Variants in PCDH15 observed in about 807,000 individuals in gnomAD.
PCDH15 encodes protocadherin-15.
Under a neutral mutation model 178.5 loss-of-function variants are expected in PCDH15, and 129 were observed. That is an observed-to-expected ratio of 0.72 (90% CI 0.63 to 0.84). The LOEUF (loss-of-function observed/expected upper bound fraction) is 0.84, where lower values mean the gene tolerates loss of function less well. Ranked by LOEUF, PCDH15 falls within the 40% of genes least tolerant of loss-of-function variation. The pLI is 0.00. For missense variants in PCDH15, 2,230 were observed against 2,099.9 expected, an observed-to-expected ratio of 1.06 and a Z score of -1.21; for synonymous variants, 800 against 732.0, an observed-to-expected ratio of 1.09 and a Z score of -1.50.
chr10:54,052,595 A>C (rs548114573), intron 18 of PCDH15, among the ~76,000 whole-genome samples: 26 of 152,250 alleles, frequency 1.7e-4, no homozygotes, highest in African/African-American at 5.1e-4. Context: ...ACAGGCTATT[A>C]GGTGGAAGAA....
chr10:54,889,303 AG>A (rs1334036962), intron 3 of PCDH15, among the ~76,000 whole-genome samples: 1 of 151,750 alleles, frequency 6.6e-6, no homozygotes, highest in Non-Finnish European at 1.5e-5. Flanking sequence ...ATGGATTGTT[AG>A]GGGGACTGAA....
chr10:55,447,582 CA>C (rs1839345319), intron 2 of PCDH15, among the ~76,000 whole-genome samples: 3 of 151,810 alleles, frequency 2.0e-5, no homozygotes, highest in Admixed American at 1.3e-4. Context: ...ATCAGCAAAA[CA>C]AAATATAAAT....
At position 54,023,246 on chromosome 10, in the gene PCDH15, G is replaced by A. The variant is rs1397246215; in HGVS notation, c.2221-49C>T. 51 of 1,550,318 alleles carry A rather than the reference G, an allele frequency of 3.3e-5. 1 individual carries two copies. Among genetic ancestry groups the A allele is most frequent in the Middle Eastern group, 4.2e-4 (2 of 4,736 alleles). On this transcript the variant is annotated intron_variant, in intron 18 of 37. Coordinates refer to ENST00000644397, the MANE Select transcript of PCDH15 (RefSeq NM_001384140.1). Reference sequence around the variant, plus strand: ...AAAAAATTCACGTAAGTTTTGACGGGCTACTGTAAATGAAGGTAACAGTTA... The same window carrying A: ...AAAAAATTCACGTAAGTTTTGACGGACTACTGTAAATGAAGGTAACAGTTA...
chr10:54,242,471 C>T (rs1247223894), intron 8 of PCDH15, among the ~76,000 whole-genome samples: 1 of 151,790 alleles, frequency 6.6e-6, no homozygotes, highest in Non-Finnish European at 1.5e-5. Context: ...TAAATGCATA[C>T]ATGATGCCTA....
At chr10:54,304,211 TA>T (rs1417159916) in intron 8 of PCDH15, among the ~76,000 whole-genome samples, 1 of 152,116 alleles carries the variant, frequency 6.6e-6, no homozygotes, top group Non-Finnish European at 1.5e-5. Flanking sequence ...CCCGTTAAAT[TA>T]ACACTGGCAT....
intron 15 of PCDH15, among the ~76,000 whole-genome samples, chr10:54,120,550 T>C (rs11004084): frequency 0.029 from 4,449 of 152,034 alleles, 236 homozygotes; most frequent in African/African-American, 0.1. Flanking sequence ...TAATGATACA[T>C]GAAGTAAAGT....
intron 2 of PCDH15, among the ~76,000 whole-genome samples, chr10:55,520,897 CAT>C (rs1841160109): frequency 1.3e-5 from 2 of 151,734 alleles, no homozygotes; most frequent in African/African-American, 2.4e-5. Flanking sequence ...AGCTAATTAA[CAT>C]ATTATCACCT....
At chr10:54,689,166 ATAT>A (rs2095069456) in intron 1 of PCDH15, among the ~76,000 whole-genome samples, 1 of 152,038 alleles carries the variant, frequency 6.6e-6, no homozygotes, top group South Asian at 2.1e-4. Flanking sequence ...AAATTTTCTG[ATAT>A]TATTATTAAT....
intron 21 of PCDH15, among the ~76,000 whole-genome samples, chr10:53,993,444 C>T (rs2091652479): frequency 2.0e-5 from 3 of 152,088 alleles, no homozygotes; most frequent in African/African-American, 7.2e-5. Context: ...GGAAGAGAGA[C>T]TATTAAATAA....
chr10:55,162,224 G>A (rs1839085457), intron 2 of PCDH15, among the ~76,000 whole-genome samples: 1 of 152,116 alleles, frequency 6.6e-6, no homozygotes, highest in Non-Finnish European at 1.5e-5. Context: ...TCCCGTATTT[G>A]CTTATAGTTC....
intron 1 of PCDH15, among the ~76,000 whole-genome samples, chr10:55,177,508 G>C (rs1252324152): frequency 6.6e-6 from 1 of 152,156 alleles, no homozygotes; most frequent in African/African-American, 2.4e-5. Context: ...GTGGCTAAAG[G>C]ATGGCCGGCC....
In PCDH15 at chr10:55,528,706, T is replaced by C. The variant is rs373605093; in HGVS notation, c.-156+98919A>G. On this transcript the variant is annotated intron_variant, in intron 2 of 5. Transcript: ENST00000613346. ...AAGCATACGTGTGCATGTGTCTTTA[T>C]AGCAGCATGATTTATAATCCCTTGG... Among the ~76,000 whole-genome samples the C allele has an allele frequency of 1.1e-4, 17 of 152,274 alleles. No individual in the cohort carries two copies. The East Asian group carries it at 2.5e-3, about 23-fold the overall frequency.
Position 55,046,169 on chromosome 10 carries a change from G to A in PCDH15, c.-80+120407C>T, listed in dbSNP as rs188271016. Among the ~76,000 whole-genome samples, 23 of 152,032 alleles carry A rather than the reference G, an allele frequency of 1.5e-4. 1 individual carries two copies. The East Asian group carries it at 3.1e-3, about 20-fold the overall frequency. The stretch of plus-strand genomic sequence containing the variant: ...TTTTTACTGTGCTCAATTACAAATC[G>A]TCGTTTTCACTTCTGCCTTAAGAAG... On this transcript the variant is annotated intron_variant, in intron 2 of 5. Coordinates refer to the PCDH15 transcript ENST00000458638.
At chr10:53,874,616 T>C (rs2080095085) in intron 26 of PCDH15, among the ~76,000 whole-genome samples, 2 of 152,052 alleles carry the variant, frequency 1.3e-5, no homozygotes, top group African/African-American at 4.8e-5. Flanking sequence ...AGCAGGTGCT[T>C]TTTCAAAAAC....
At chr10:53,970,319 A>G (rs1242634806) in intron 21 of PCDH15, among the ~76,000 whole-genome samples, 1 of 152,186 alleles carries the variant, frequency 6.6e-6, no homozygotes, top group Non-Finnish European at 1.5e-5. Flanking sequence ...ACTATCCTAA[A>G]TATATATGCA....
intron 1 of PCDH15, among the ~76,000 whole-genome samples, chr10:54,701,948 A>T (rs1591148735): frequency 6.6e-6 from 1 of 152,090 alleles, no homozygotes; most frequent in East Asian, 1.9e-4. Flanking sequence ...ACACTTAGCC[A>T]AATGGACCTA....
intron 8 of PCDH15, among the ~76,000 whole-genome samples, chr10:54,307,059 TATATATATATATATATATATAC>T (rs2060552030): frequency 2.3e-4 from 2 of 8,888 alleles, no homozygotes; most frequent in African/African-American, 4.2e-4. Flanking sequence ...TATATATATA[TATATATATATATATATATATAC>T]ATATATATAT....
intron 8 of PCDH15, among the ~76,000 whole-genome samples, chr10:54,263,785 G>A (rs996360829): frequency 3.9e-5 from 6 of 152,010 alleles, no homozygotes; most frequent in African/African-American, 7.3e-5. Context: ...TGTATTAAAG[G>A]ATGCAAAATA....
At chr10:54,962,665 T>C (rs1036907158) in intron 2 of PCDH15, among the ~76,000 whole-genome samples, 1 of 152,188 alleles carries the variant, frequency 6.6e-6, no homozygotes, top group Non-Finnish European at 1.5e-5. Flanking sequence ...CTGTGCCGGC[T>C]CCTGGAGCTG....
Sources: gnomAD v4.1 joint callset for allele counts (sites outside exome capture counted in the v4.1 genomes callset) on GRCh38, gnomAD v4.1.1 for gene constraint, MANE v1.5 for transcripts, NCBI Gene and HGNC (gene_info 2026-07-23, HGNC 2026-07-21) for gene names.